WDR20: variants seen among roughly 807,000 people sequenced by gnomAD.
WDR20 encodes the protein WD repeat-containing protein 20.
A neutral mutation model predicts 38.7 loss-of-function variants in WDR20; 3 were observed. That is an observed-to-expected ratio of 0.08 (90% CI 0.04 to 0.20). The LOEUF (loss-of-function observed/expected upper bound fraction) is 0.20, where lower values mean the gene tolerates loss of function less well. WDR20 is among the 10% of genes least tolerant of loss of function. The pLI, the probability that WDR20 is intolerant of heterozygous loss-of-function variation, is 1.00. For synonymous variants in WDR20, 298 were observed against 285.6 expected (o/e 1.04, Z -0.44); for missense variants, 559 against 727.7 (o/e 0.77, Z 2.67).
At chr14:102,155,440 T>C (rs536430187) in intron 1 of WDR20, among the ~76,000 whole-genome samples, 17 of 152,204 alleles carry the variant, frequency 1.1e-4, no homozygotes, top group African/African-American at 4.1e-4. Flanking sequence ...AGAGCAGCCT[T>C]AGAGAGACCA....
intron 1 of WDR20, among the ~76,000 whole-genome samples, chr14:102,158,675 T>A (rs2057993425): frequency 6.6e-6 from 1 of 152,136 alleles, no homozygotes; most frequent in African/African-American, 2.4e-5. Context: ...ATGACTGTAC[T>A]TCTTATTTCA....
chr14:102,159,672 T>A (rs1037726693), intron 1 of WDR20, among the ~76,000 whole-genome samples: 1 of 150,868 alleles, frequency 6.6e-6, no homozygotes, highest in African/African-American at 2.4e-5. Flanking sequence ...TCTATTAAAA[T>A]TTTTTGAAAA....
intron 1 of WDR20, among the ~76,000 whole-genome samples, chr14:102,146,202 C>T (rs922444272): frequency 2.0e-5 from 3 of 152,000 alleles, no homozygotes; most frequent in Admixed American, 1.3e-4. Context: ...CTTGCTCTGT[C>T]GCCCAGGCTG....
intron 1 of WDR20, among the ~76,000 whole-genome samples, chr14:102,147,920 G>T (rs1167407724): frequency 6.6e-6 from 1 of 152,236 alleles, no homozygotes; most frequent in East Asian, 1.9e-4. Flanking sequence ...TAGTAGAGAC[G>T]GGGTTTCCCC....
At chr14:102,187,770 G>A (rs1398472961) in intron 1 of WDR20, among the ~76,000 whole-genome samples, 1 of 152,236 alleles carries the variant, frequency 6.6e-6, no homozygotes, top group Non-Finnish European at 1.5e-5. Context: ...ACCCAGGCTG[G>A]ATGAGGGCCC....
At chr14:102,214,249 C>A (rs1433876204), downstream of WDR20, 2 of 985,504 alleles carry the variant, frequency 2.0e-6, no homozygotes, top group Non-Finnish European at 2.4e-6. Flanking sequence ...GCAGGGCCCC[C>A]CCTTGTCTGG....
At chr14:102,219,101 C>CT (rs1165448847), downstream of WDR20, among the ~76,000 whole-genome samples, 3 of 152,224 alleles carry the variant, frequency 2.0e-5, no homozygotes, top group Non-Finnish European at 2.9e-5. Flanking sequence ...ACGCTGTGCT[C>CT]TCGAGGGAAG....
intron 1 of WDR20, among the ~76,000 whole-genome samples, chr14:102,191,904 T>C (rs2066543516): frequency 1.3e-5 from 2 of 152,204 alleles, no homozygotes; most frequent in Admixed American, 6.5e-5. Flanking sequence ...TTGATACTTT[T>C]GTAAAATAAA....
intron 2 of WDR20, among the ~76,000 whole-genome samples, chr14:102,203,069 C>T (rs559770845): frequency 1.3e-5 from 2 of 152,246 alleles, no homozygotes; most frequent in South Asian, 4.1e-4. Flanking sequence ...TTGTCATAGC[C>T]TCCTAACTGG....
At chr14:102,172,229 G>A (rs1442275917) in intron 1 of WDR20, among the ~76,000 whole-genome samples, 1 of 144,130 alleles carries the variant, frequency 6.9e-6, no homozygotes, top group African/African-American at 2.5e-5. Context: ...GGGGGGTAAG[G>A]TCACAGATCA....
rs191146881 is a variant in WDR20, at chr14:102,194,686, T to G, written c.250-252T>G. Among the ~76,000 whole-genome samples the G allele has an allele frequency of 5.1e-4, 77 of 152,310 alleles. No homozygotes were observed. In the East Asian group the frequency reaches 0.012, roughly 24 times the overall value. ...GAAGTCCAGGAGTCTTTGTTACATA[T>G]ATTTGAAGGAGAATAAGTTGTGAAA... On this transcript the variant is annotated intron_variant, in intron 1 of 2. Coordinates refer to ENST00000342702, the MANE Select transcript of WDR20 (RefSeq NM_144574.4).
chr14:102,153,815 T>G (rs756988046), intron 1 of WDR20, among the ~76,000 whole-genome samples: 1 of 152,224 alleles, frequency 6.6e-6, no homozygotes, highest in Non-Finnish European at 1.5e-5. Flanking sequence ...AGCTGAAATG[T>G]CACCATCCAT....
intron 1 of WDR20, among the ~76,000 whole-genome samples, chr14:102,168,972 C>T (rs1292394271): frequency 1.3e-5 from 2 of 152,178 alleles, no homozygotes; most frequent in South Asian, 2.1e-4. Flanking sequence ...TCATATTCTT[C>T]GCTGCTTAAA....
At chr14:102,172,702 T>G (rs1250307585) in intron 1 of WDR20, among the ~76,000 whole-genome samples, 2 of 131,914 alleles carry the variant, frequency 1.5e-5, no homozygotes, top group African/African-American at 6.5e-5. Context: ...GCGGCTGGCC[T>G]GGCGGGGGCT....
intron 2 of WDR20, among the ~76,000 whole-genome samples, chr14:102,196,783 A>G (rs1043927556): frequency 3.9e-5 from 6 of 152,210 alleles, no homozygotes; most frequent in African/African-American, 1.4e-4. Flanking sequence ...GCAGCTCCTC[A>G]TTCTTCATGA....
chr14:102,157,591 T>G (rs1342324201), intron 1 of WDR20, among the ~76,000 whole-genome samples: 1 of 152,114 alleles, frequency 6.6e-6, no homozygotes, highest in Admixed American at 6.6e-5. Flanking sequence ...GTTCAGATAG[T>G]AGGTGATGAC....
rs1471514936 is a variant in WDR20, at chr14:102,221,110, C to T, written c.1693-1720C>T. On this transcript the variant is annotated intron_variant, in intron 3 of 3. Transcript: ENST00000335263. This position sits in a 1 kb window ranked among gnomAD's most constrained non-coding sequence, Gnocchi z 4.8. ...TAACACAGGACTGGTAGAGACACCA[C>T]CTTCCTGTGGGTGGGGCTGCCTCCT... 2.0e-5 allele frequency among the ~76,000 whole-genome samples: 3 copies of T among 152,236 alleles called. No individual in the cohort carries two copies. Among genetic ancestry groups the T allele is most frequent in the African/African-American group, 4.8e-5 (2 of 41,452 alleles).
chr14:102,160,355 C>T (rs569660038), intron 1 of WDR20, among the ~76,000 whole-genome samples: 1 of 152,150 alleles, frequency 6.6e-6, no homozygotes, highest in Non-Finnish European at 1.5e-5. Flanking sequence ...CTCCTTCCCC[C>T]TCCTAGCTCC....
intron 1 of WDR20, among the ~76,000 whole-genome samples, chr14:102,162,778 T>C (rs2059023224): frequency 6.6e-6 from 1 of 151,944 alleles, no homozygotes; most frequent in Admixed American, 6.6e-5. Flanking sequence ...GCCCAGCTAA[T>C]TTTTGTGTTT....
Sources: gnomAD v4.1 joint callset for allele counts (sites outside exome capture counted in the v4.1 genomes callset) on GRCh38, gnomAD v4.1.1 for gene constraint, Gnocchi (gnomAD v3.1) non-coding constraint, MANE v1.5 for transcripts, NCBI Gene and HGNC (gene_info 2026-07-23, HGNC 2026-07-21) for gene names.